ZSCAN25: variants seen among roughly 807,000 people sequenced by gnomAD.
The protein encoded by ZSCAN25 is zinc finger and SCAN domain-containing protein 25.
ZSCAN25 carries 27 observed loss-of-function variants against 38.7 expected under a neutral mutation model. The ratio of observed to expected loss-of-function variants is 0.70; its 90% confidence interval spans 0.51 to 0.96. The LOEUF (loss-of-function observed/expected upper bound fraction) is 0.96, where lower values mean the gene tolerates loss of function less well. ZSCAN25 is among the 40% of genes least tolerant of loss of function. The pLI is 0.00. For missense variants in ZSCAN25, 637 were observed against 705.9 expected (o/e 0.90, Z 1.11); for synonymous variants, 273 against 277.7 (o/e 0.98, Z 0.17).
At chr7:99,712,540 A>G in the ZSCAN25 span, among the ~76,000 whole-genome samples, 3 of 152,236 alleles carry the variant, frequency 2.0e-5, no homozygotes, top group Non-Finnish European at 4.4e-5. Context: ...TCTAGATGAA[A>G]CACTAAAACA....
chr7:99,734,261 G>C, the ZSCAN25 span, among the ~76,000 whole-genome samples: 2 of 152,332 alleles, frequency 1.3e-5, no homozygotes, highest in East Asian at 3.8e-4. Context: ...GTGAAATTGA[G>C]TTAGAAGTAA....
the ZSCAN25 span, chr7:99,676,115 C>CT: frequency 6.2e-7 from 1 of 1,613,368 alleles, no homozygotes; most frequent in Non-Finnish European, 8.5e-7. Context: ...AGCAACTCAC[C>CT]TGACGATAGG....
chr7:99,705,678 T>A, the ZSCAN25 span: 1 of 1,522,646 alleles, frequency 6.6e-7, no homozygotes. Flanking sequence ...AAAAAATTAC[T>A]GACAATAATG....
chr7:99,639,511 C>T, the ZSCAN25 span, among the ~76,000 whole-genome samples: 11 of 152,200 alleles, frequency 7.2e-5, no homozygotes, highest in African/African-American at 9.7e-5. Flanking sequence ...CAGGTAGGTC[C>T]CTGCCCCAAT....
the ZSCAN25 span, among the ~76,000 whole-genome samples, chr7:99,661,392 G>A: frequency 1.3e-5 from 2 of 152,162 alleles, no homozygotes; most frequent in Non-Finnish European, 2.9e-5. Context: ...AAGATCTAGG[G>A]TACAGTTCTC....
At chr7:99,648,456 G>A in the ZSCAN25 span, 31 of 1,248,152 alleles carry the variant, frequency 2.5e-5, no homozygotes, top group Non-Finnish European at 3.4e-5. Context: ...AAGAAGAAAA[G>A]ATGGAAGCAA....
chr7:99,676,415 G>A, the ZSCAN25 span: 1 of 1,487,092 alleles, frequency 6.7e-7, no homozygotes, highest in Non-Finnish European at 9.0e-7. Flanking sequence ...TCAATGATTA[G>A]CTGAAAGCAG....
chr7:99,623,925 C>G, intron 6 of ZSCAN25, 132 bp from the exon 7 acceptor site: 2 of 1,307,506 alleles, frequency 1.5e-6, no homozygotes, highest in South Asian at 1.3e-5. Context: ...ACTGCAGTGG[C>G]TCAAACAAGT....
the ZSCAN25 span, among the ~76,000 whole-genome samples, chr7:99,692,540 T>G: frequency 2.0e-5 from 3 of 152,218 alleles, 1 homozygote; most frequent in East Asian, 5.8e-4. Flanking sequence ...ACCTGTCAAA[T>G]GTAGATTTGG....
the ZSCAN25 span, among the ~76,000 whole-genome samples, chr7:99,692,887 C>G: frequency 6.6e-6 from 1 of 152,242 alleles, no homozygotes; most frequent in Non-Finnish European, 1.5e-5. Context: ...CTTCTGAAGA[C>G]TACTTCTGTC....
the ZSCAN25 span, chr7:99,713,365 T>A: frequency 6.5e-7 from 1 of 1,541,630 alleles, no homozygotes; most frequent in Non-Finnish European, 8.9e-7. Context: ...TTCTGCTATG[T>A]GGCAGAAATT....
At chr7:99,647,380 G>A in the ZSCAN25 span, 1 of 593,350 alleles carries the variant, frequency 1.7e-6, no homozygotes, top group Non-Finnish European at 2.1e-6. Flanking sequence ...ATTCAGAAAA[G>A]GAGGGAAAAT....
chr7:99,718,221 AT>A, the ZSCAN25 span, among the ~76,000 whole-genome samples: 1 of 152,190 alleles, frequency 6.6e-6, no homozygotes, highest in Non-Finnish European at 1.5e-5. Context: ...ATGCATACAT[AT>A]GTAACAAACC....
the ZSCAN25 span, among the ~76,000 whole-genome samples, chr7:99,701,317 G>T: frequency 6.6e-6 from 1 of 152,174 alleles, no homozygotes; most frequent in Non-Finnish European, 1.5e-5. Context: ...GTACTCCATT[G>T]TGCATAAGTG....
the ZSCAN25 span, chr7:99,699,867 C>T: frequency 5.1e-6 from 4 of 790,886 alleles, no homozygotes; most frequent in African/African-American, 1.7e-5. Flanking sequence ...CCTCCTTGAA[C>T]ATCTCTTTTG....
chr7:99,621,331 T>C (rs946262806), intron 4 of ZSCAN25, 42 bp from the exon 5 acceptor site: 2 of 1,316,600 alleles, frequency 1.5e-6, no homozygotes, highest in Non-Finnish European at 2.0e-6. Flanking sequence ...ATAACAGCCT[T>C]GCCCAGGCCT....
chr7:99,710,729 C>T, the ZSCAN25 span: 2 of 1,613,822 alleles, frequency 1.2e-6, no homozygotes, highest in South Asian at 1.1e-5. Context: ...ACTGTCCACT[C>T]ACCTTATTGG....
chr7:99,672,042 T>TCTGTTGTTGTTG, the ZSCAN25 span, among the ~76,000 whole-genome samples: 1 of 151,728 alleles, frequency 6.6e-6, no homozygotes, highest in South Asian at 2.1e-4. Flanking sequence ...TTTGCCGGTT[T>TCTGTTGTTGTTG]TTGTTGTTGT....
the ZSCAN25 span, among the ~76,000 whole-genome samples, chr7:99,729,913 C>T: frequency 6.6e-6 from 1 of 152,182 alleles, no homozygotes; most frequent in East Asian, 1.9e-4. Context: ...TTGGTGGTCT[C>T]CTCACACGGA....
Sources: gnomAD v4.1 joint callset for allele counts (sites outside exome capture counted in the v4.1 genomes callset) on GRCh38, gnomAD v4.1.1 for gene constraint, MANE v1.5 for transcripts, NCBI Gene and HGNC (gene_info 2026-07-23, HGNC 2026-07-21) for gene names.